Variants in RNF212 observed in about 807,000 individuals in gnomAD.
RNF212 encodes the protein probable E3 SUMO-protein ligase RNF212.
In RNF212, 33 loss-of-function variants were observed where a neutral mutation model predicts 34.7. That is an observed-to-expected ratio of 0.95 (90% confidence interval 0.72 to 1.27). RNF212 has a LOEUF of 1.27. Ranked by LOEUF, RNF212 falls within the 50% of genes most tolerant of loss-of-function variation. RNF212 has a pLI of 0.00. For synonymous variants in RNF212, 140 were observed against 136.1 expected, an observed-to-expected ratio of 1.03 and a Z score of -0.20; for missense variants, 377 against 362.2, an observed-to-expected ratio of 1.04 and a Z score of -0.33.
chr4:1,096,930 G>A, intron 2 of RNF212, 91 bp from the exon 3 acceptor site: 1 of 963,218 alleles, frequency 1.0e-6, no homozygotes, highest in Non-Finnish European at 1.7e-6. Flanking sequence ...CCTAGAATTA[G>A]CTATAGATGA....
In RNF212 at chr4:1,087,281, T is replaced by A. The variant is rs542773933; in HGVS notation, c.304-1327A>T. ...TAGGGGAGAGAGGATGGGGTGGGGG[T>A]GAGAGGATGGGTGGGGGAGAGAGAA... is the stretch of plus-strand genomic sequence containing the variant. On this transcript the variant is annotated intron_variant, in intron 4 of 9. Coordinates refer to ENST00000433731, the MANE Select transcript of RNF212 (RefSeq NM_001131034.4). 4.2e-3 allele frequency among the ~76,000 whole-genome samples: 9 copies of A among 2,126 alleles called. 1 individual carries two copies. Among genetic ancestry groups the A allele is most frequent in the African/African-American group, 0.019 (5 of 266 alleles). 1.4% of individuals were successfully genotyped at this position (2,126 alleles called of 152,430 possible).
At chr4:1,102,219 T>C (rs1236369846) in intron 2 of RNF212, among the ~76,000 whole-genome samples, 1 of 152,146 alleles carries the variant, frequency 6.6e-6, no homozygotes, top group Non-Finnish European at 1.5e-5. Context: ...AAATATAAAA[T>C]GGACACGATC....
chr4:1,097,314 C>T (rs367803304), intron 2 of RNF212, among the ~76,000 whole-genome samples: 19 of 152,228 alleles, frequency 1.2e-4, no homozygotes, highest in African/African-American at 4.1e-4. Flanking sequence ...TAAGAAACAG[C>T]GTCTCGTAGG....
At chr4:1,109,582 T>C (rs796090107) in intron 1 of RNF212, among the ~76,000 whole-genome samples, 47 of 152,314 alleles carry the variant, frequency 3.1e-4, no homozygotes, top group African/African-American at 9.9e-4. Flanking sequence ...CCAACGCTGC[T>C]GAGTCAGCAA....
At chr4:1,090,491 C>T (rs1382255915) in intron 4 of RNF212, among the ~76,000 whole-genome samples, 1 of 152,196 alleles carries the variant, frequency 6.6e-6, no homozygotes, top group Non-Finnish European at 1.5e-5. Context: ...GCCTTCCAAA[C>T]TCCCAAGGCC....
chr4:1,094,978 A>G (rs1722816238), intron 3 of RNF212, among the ~76,000 whole-genome samples: 1 of 152,242 alleles, frequency 6.6e-6, no homozygotes, highest in Non-Finnish European at 1.5e-5. Context: ...TTCAACCCAC[A>G]GAAATATTTT....
intron 3 of RNF212, among the ~76,000 whole-genome samples, chr4:1,091,472 A>G (rs1722175439): frequency 6.6e-6 from 1 of 152,200 alleles, no homozygotes; most frequent in African/African-American, 2.4e-5. Flanking sequence ...TACCCTCTGG[A>G]AAGACCAGGC....
At chr4:1,104,801 GAAC>G (rs1724554270) in intron 2 of RNF212, among the ~76,000 whole-genome samples, 1 of 152,178 alleles carries the variant, frequency 6.6e-6, no homozygotes, top group African/African-American at 2.4e-5. Context: ...GAAAGACAAT[GAAC>G]GTGTCTGCAT....
At chr4:1,109,010 CT>C (rs71168810) in intron 1 of RNF212, among the ~76,000 whole-genome samples, 43 of 135,812 alleles carry the variant, frequency 3.2e-4, no homozygotes, top group African/African-American at 6.8e-4. Flanking sequence ...CATAATTAGC[CT>C]TTTTTTTTTT....
chr4:1,083,481 A>G (rs1720677923), intron 5 of RNF212, among the ~76,000 whole-genome samples: 1 of 152,072 alleles, frequency 6.6e-6, no homozygotes, highest in Non-Finnish European at 1.5e-5. Flanking sequence ...CGTCTCTACT[A>G]AAAATACAAA....
chr4:1,101,710 G>A (rs951624222), intron 2 of RNF212, among the ~76,000 whole-genome samples: 1 of 152,164 alleles, frequency 6.6e-6, no homozygotes, highest in Non-Finnish European at 1.5e-5. Flanking sequence ...TCCTGCCATA[G>A]GGAAACAAAA....
intron 2 of RNF212, among the ~76,000 whole-genome samples, chr4:1,102,671 T>G (rs1214594450): frequency 1.3e-5 from 2 of 148,816 alleles, no homozygotes; most frequent in Non-Finnish European, 3.0e-5. Context: ...GCTAACATGG[T>G]GAAACCCCGT....
intron 3 of RNF212, among the ~76,000 whole-genome samples, chr4:1,094,626 G>A (rs747506534): frequency 1.3e-5 from 2 of 152,188 alleles, no homozygotes; most frequent in Non-Finnish European, 2.9e-5. Context: ...TCAGCTGCCA[G>A]AAGGGGGGCC....
chr4:1,099,416 G>A (rs1219363174), intron 2 of RNF212, among the ~76,000 whole-genome samples: 1 of 152,166 alleles, frequency 6.6e-6, no homozygotes, highest in Non-Finnish European at 1.5e-5. Context: ...GGGAAATGGG[G>A]GAAAATCTAA....
chr4:1,075,898 A>G (rs1719217631), intron 8 of RNF212, among the ~76,000 whole-genome samples: 1 of 152,094 alleles, frequency 6.6e-6, no homozygotes, highest in Non-Finnish European at 1.5e-5. Context: ...CTTGGGCTCA[A>G]GGGATCTGCC....
intron 3 of RNF212, chr4:1,093,323 T>C: frequency 1.0e-6 from 1 of 1,002,004 alleles, no homozygotes; most frequent in Non-Finnish European, 1.3e-6. Context: ...TCTAAAAGTA[T>C]TTATTAATTC....
intron 4 of RNF212, chr4:1,056,928 C>T (rs1717360937): frequency 1.0e-6 from 1 of 987,870 alleles, no homozygotes; most frequent in Non-Finnish European, 1.2e-6. Context: ...GGAGAGTCCC[C>T]TCTTCCTGCT....
intron 5 of RNF212, among the ~76,000 whole-genome samples, chr4:1,084,839 C>T (rs1720924000): frequency 6.6e-6 from 1 of 151,700 alleles, no homozygotes; most frequent in African/African-American, 2.4e-5. Context: ...CCCTTCACAA[C>T]ACAAGCCCAT....
At chr4:1,070,999 C>T (rs865924263), downstream of RNF212, among the ~76,000 whole-genome samples, 4 of 145,654 alleles carry the variant, frequency 2.7e-5, no homozygotes, top group South Asian at 8.6e-4. Context: ...TTTCTGTGTG[C>T]TTGAAGTATT....
Sources: gnomAD v4.1 joint callset for allele counts (sites outside exome capture counted in the v4.1 genomes callset) on GRCh38, gnomAD v4.1.1 for gene constraint, MANE v1.5 for transcripts, NCBI Gene and HGNC (gene_info 2026-07-23, HGNC 2026-07-21) for gene names.